The following EIF2AK4 variants were observed in gnomAD, a reference collection of about 807,000 sequenced individuals.
EIF2AK4 encodes the protein eIF-2-alpha kinase GCN2.
A neutral mutation model predicts 211.1 loss-of-function variants in EIF2AK4; 139 were observed. That is an observed-to-expected ratio of 0.66 (90% CI 0.57 to 0.76). The LOEUF is 0.76. EIF2AK4 is among the 30% of genes least tolerant of loss of function. The probability of loss-of-function intolerance (pLI) is 0.00; values close to 1 mark genes in which losing one functional copy is unlikely to be tolerated. For missense variants in EIF2AK4, 1,664 were observed against 2,043.8 expected (o/e 0.81, Z 3.58); for synonymous variants, 710 against 751.3 (o/e 0.94, Z 0.90).
intron 20 of EIF2AK4, among the ~76,000 whole-genome samples, chr15:40,000,482 A>G (rs1388034024): frequency 6.6e-6 from 1 of 152,238 alleles, no homozygotes; most frequent in Non-Finnish European, 1.5e-5. Context: ...CTGTGAAGAT[A>G]TAACAAATCA....
At chr15:40,032,843 C>T (rs987678126) in intron 37 of EIF2AK4, 42 bp downstream of exon 37, 1 of 1,563,736 alleles carries the variant, frequency 6.4e-7, no homozygotes, top group Non-Finnish European at 8.7e-7. Context: ...CTTTAAGATC[C>T]CAAATCTTTG....
At chr15:40,017,551 A>ATATATATATATATATATATGTATG (rs71132134) in intron 29 of EIF2AK4, among the ~76,000 whole-genome samples, 2 of 87,092 alleles carry the variant, frequency 2.3e-5, no homozygotes, top group Non-Finnish European at 4.6e-5. Context: ...ATATATATAT[A>ATATATATATATATATATATGTATG]TATGTATTTT....
chr15:39,960,556 G>C lies in EIF2AK4; in HGVS notation c.744-1228G>C, dbSNP rs149377075. Among the ~76,000 whole-genome samples, 618 of 152,264 alleles carry C rather than the reference G, an allele frequency of 4.1e-3. 3 individuals are homozygous for C. The highest frequency in any genetic ancestry group is 0.014 in the Middle Eastern group (4 of 294). On this transcript the variant is annotated intron_variant, in intron 6 of 38. Transcript: ENST00000263791. ...AGTTTTATTGACGTTGCAATGGTGT[G>C]AGGGATAAATAGTGCAGAAGTGGAG...
intron 20 of EIF2AK4, 124 bp from the exon 21 acceptor site, chr15:40,000,861 GAAT>G (rs2035080328): frequency 1.1e-6 from 1 of 896,280 alleles, no homozygotes; most frequent in African/African-American, 1.7e-5. Context: ...AGAAATTTCA[GAAT>G]GTCAGTTAAG....
chr15:40,009,749 A>ATGATGTTGAAAGATAATACCT lies in EIF2AK4; in HGVS notation c.3693+38_3693+58dup. On this transcript the variant is annotated intron_variant, in intron 26 of 38. Transcript: ENST00000263791. ...TGCTGTGGTAAGCATTTAATTACTT[A>ATGATGTTGAAAGATAATACCT]TGATGTTGAAAGATAATACCTTGAT... 1 of 1,443,708 alleles carries ATGATGTTGAAAGATAATACCT rather than the reference A, an allele frequency of 6.9e-7. No individual in the cohort carries two copies. 89.4% of individuals were successfully genotyped at this position (1,443,708 alleles called of 1,614,324 possible). A position where few individuals can be genotyped will look rare whatever the true frequency, so the allele number is the denominator to read the frequency against.
intron 34 of EIF2AK4, among the ~76,000 whole-genome samples, chr15:40,030,158 A>T (rs1192869998): frequency 1.3e-5 from 2 of 152,144 alleles, no homozygotes; most frequent in African/African-American, 2.4e-5. Context: ...GAGAAGCATC[A>T]AAACTGCTGG....
At chr15:39,974,784 T>A (rs1376609411) in intron 11 of EIF2AK4, 2 of 152,210 alleles carry the variant, frequency 1.3e-5, no homozygotes, top group Non-Finnish European at 2.9e-5. Flanking sequence ...CCCCCACGGT[T>A]TCCAGTAGTT....
chr15:39,972,988 T>G lies in EIF2AK4; in HGVS notation c.1634T>G (p.Met545Arg). The G allele has an allele frequency of 1.2e-6, 2 of 1,614,106 alleles. No homozygotes were observed. Among genetic ancestry groups the G allele is most frequent in the Non-Finnish European group, 8.5e-7 (1 of 1,179,986 alleles). Reference sequence around the variant, plus strand: ...AGCTTTATAAATCCCCAGCCAAAAATGCCTCTAGTGGAACAAAGTCCTGAA... The same window carrying G: ...AGCTTTATAAATCCCCAGCCAAAAAGGCCTCTAGTGGAACAAAGTCCTGAA... The part of the protein sequence containing the change: ...KHSFINPQPK[M>R]PLVEQSPEDS... Residue 545 changes from methionine (M) to arginine (R), a missense_variant, in exon 10 of 39, where the codon ATG becomes AGG. Met to Arg is a moderately conservative substitution (Grantham distance 91). Around this residue, in one of 7 missense-constraint regions of EIF2AK4, gnomAD observed 641 missense variants for 729.6 expected, o/e 0.88. Coordinates refer to ENST00000263791, the MANE Select transcript of EIF2AK4 (RefSeq NM_001013703.4).
intron 13 of EIF2AK4, among the ~76,000 whole-genome samples, chr15:39,985,478 A>G (rs1392667584): frequency 1.3e-5 from 2 of 152,224 alleles, no homozygotes; most frequent in Non-Finnish European, 2.9e-5. Flanking sequence ...ACACAAATAA[A>G]CTAGAAAATC....
Position 39,985,871 on chromosome 15 carries a change from C to T in EIF2AK4, c.2386C>T (p.His796Tyr). 2 of 1,613,968 alleles carry T rather than the reference C, an allele frequency of 1.2e-6. No homozygotes were observed. The highest frequency in any genetic ancestry group is 1.6e-4 in the Middle Eastern group (1 of 6,062). Residue 796 changes from histidine to tyrosine, a missense_variant, in exon 14 of 39, where the codon CAC becomes TAC. Coordinates refer to ENST00000263791, the MANE Select transcript of EIF2AK4 (RefSeq NM_001013703.4). ...SEPSVTTEAV[H>Y]YLYIQMEYCE... Reference sequence around the variant, plus strand: ...GCCATCAGTGACGACTGAGGCTGTGCACTACCTATACATCCAGGTGAGGTC... The same window carrying T: ...GCCATCAGTGACGACTGAGGCTGTGTACTACCTATACATCCAGGTGAGGTC...
chr15:39,959,946 G>A (rs942123250), intron 6 of EIF2AK4, among the ~76,000 whole-genome samples: 2 of 152,054 alleles, frequency 1.3e-5, no homozygotes, highest in African/African-American at 4.8e-5. Context: ...GGCAGATCAC[G>A]AGGTCAGGAG....
At chr15:40,002,070 T>C (rs1274870609) in intron 21 of EIF2AK4, among the ~76,000 whole-genome samples, 1 of 152,144 alleles carries the variant, frequency 6.6e-6, no homozygotes, top group East Asian at 1.9e-4. Flanking sequence ...TTTAAAAAGA[T>C]AGAGTAGTGG....
intron 25 of EIF2AK4, among the ~76,000 whole-genome samples, chr15:40,009,304 G>A (rs2035205806): frequency 6.6e-6 from 1 of 151,728 alleles, no homozygotes. Context: ...CCCCAGGCTG[G>A]TCTTGAACTC....
intron 1 of EIF2AK4, among the ~76,000 whole-genome samples, chr15:39,934,702 C>G (rs781440302): frequency 6.6e-6 from 1 of 152,228 alleles, no homozygotes; most frequent in African/African-American, 2.4e-5. Context: ...GCAATTCATA[C>G]GCGCCCCTTG....
chr15:40,035,075 CT>C lies in EIF2AK4; in HGVS notation c.4943del (p.Leu1648TyrfsTer31). The C allele has an allele frequency of 6.3e-7, 1 of 1,580,612 alleles. No homozygotes were observed. ...GCTATAGAGATGACTACTACAGAAT[CT>C]TATTTTAACCCTAAAGAACTGTCGT... is the stretch of plus-strand genomic sequence containing the variant. Reference protein sequence around the residue: ...YSYRDDYYRILF With the variant: ...YSYRDDYYRIXF On this transcript the variant is annotated frameshift_variant, in exon 39 of 39. Coordinates refer to ENST00000263791, the MANE Select transcript of EIF2AK4 (RefSeq NM_001013703.4). LOFTEE classifies it high-confidence loss of function.
At position 39,944,531 on chromosome 15, in the gene EIF2AK4, G is replaced by A. The variant is rs1019114250; in HGVS notation, c.360+1046G>A. On this transcript the variant is annotated intron_variant, in intron 3 of 38. Transcript: ENST00000263791. ...ACTGCAAGCTCCGCCTCCCGGGTTC[G>A]CGCCATTCTCCTGCCTCAGCCTCCC... 7.7e-4 allele frequency among the ~76,000 whole-genome samples: 113 copies of A among 146,370 alleles called. 1 individual carries two copies. Among genetic ancestry groups the A allele is most frequent in the Admixed American group, 7.0e-3 (100 of 14,342 alleles).
At chr15:39,981,689 TACTA>T (rs1328490157) in intron 13 of EIF2AK4, among the ~76,000 whole-genome samples, 1 of 152,012 alleles carries the variant, frequency 6.6e-6, no homozygotes, top group African/African-American at 2.4e-5. Context: ...AATGGTCAAA[TACTA>T]ACTAATACTT....
chr15:40,027,663 G>A (rs973011632), intron 33 of EIF2AK4, among the ~76,000 whole-genome samples: 1 of 152,146 alleles, frequency 6.6e-6, no homozygotes, highest in Non-Finnish European at 1.5e-5. Context: ...GGCCGAGAAG[G>A]GGGGATCATG....
chr15:40,000,453 C>T (rs1188833978), intron 20 of EIF2AK4, among the ~76,000 whole-genome samples: 6 of 152,238 alleles, frequency 3.9e-5, no homozygotes, highest in African/African-American at 1.4e-4. Context: ...TCATATGGTT[C>T]ACTGCTTTAA....
Sources: allele counts gnomAD v4.1 joint callset (sites outside exome capture counted in the v4.1 genomes callset), GRCh38; gene constraint gnomAD v4.1.1; regional missense constraint gnomAD v4.1.1; transcripts MANE v1.5; gene names NCBI Gene and HGNC (gene_info 2026-07-23, HGNC 2026-07-21).